UNC5D: variants seen among roughly 807,000 people sequenced by gnomAD.
UNC5D encodes unc-5 netrin receptor D.
In UNC5D, 39 loss-of-function variants were observed where a neutral mutation model predicts 105.4. The ratio of observed to expected loss-of-function variants is 0.37; its 90% CI spans 0.29 to 0.48. The LOEUF is 0.48. Ranked by LOEUF, UNC5D falls within the 20% of genes least tolerant of loss-of-function variation. UNC5D has a pLI of 0.98. For missense variants in UNC5D, 991 were observed against 1,202.4 expected, an observed-to-expected ratio of 0.82 and a Z score of 2.60; for synonymous variants, 452 against 450.4, an observed-to-expected ratio of 1.00 and a Z score of -0.04.
intron 1 of UNC5D, among the ~76,000 whole-genome samples, chr8:35,372,653 G>C (rs1001164518): frequency 6.6e-6 from 1 of 151,862 alleles, no homozygotes; most frequent in African/African-American, 2.4e-5. Context: ...ACCCAGGCTG[G>C]AATACAGTGG....
intron 1 of UNC5D, among the ~76,000 whole-genome samples, chr8:35,294,155 G>A (rs753093159): frequency 6.6e-6 from 1 of 152,164 alleles, no homozygotes; most frequent in Non-Finnish European, 1.5e-5. Context: ...TCAGGAGTTA[G>A]CAGCTTTAAA....
intron 1 of UNC5D, among the ~76,000 whole-genome samples, chr8:35,318,888 T>C (rs1809502746): frequency 6.6e-6 from 1 of 152,086 alleles, no homozygotes; most frequent in African/African-American, 2.4e-5. Context: ...CGAGTGTCTT[T>C]AAGTGTATAT....
intron 13 of UNC5D, among the ~76,000 whole-genome samples, chr8:35,753,095 C>G (rs141967665): frequency 6.6e-6 from 1 of 152,190 alleles, no homozygotes; most frequent in East Asian, 1.9e-4. Flanking sequence ...TACCATGGCT[C>G]CACTGTTCAC....
At chr8:35,240,101 CA>C (rs1802711704) in intron 1 of UNC5D, among the ~76,000 whole-genome samples, 1 of 151,914 alleles carries the variant, frequency 6.6e-6, no homozygotes, top group Non-Finnish European at 1.5e-5. Flanking sequence ...ACACCCGGCT[CA>C]GTAATTTTTT....
At chr8:35,619,789 G>T (rs1821239753) in intron 4 of UNC5D, among the ~76,000 whole-genome samples, 1 of 152,218 alleles carries the variant, frequency 6.6e-6, no homozygotes, top group South Asian at 2.1e-4. Context: ...TCTGCCAGAT[G>T]CTGTGACCAC....
At chr8:35,416,312 G>C (rs1223694562) in intron 1 of UNC5D, among the ~76,000 whole-genome samples, 1 of 152,058 alleles carries the variant, frequency 6.6e-6, no homozygotes, top group African/African-American at 2.4e-5. Flanking sequence ...GGAATACAAA[G>C]GAATTGTAAA....
chr8:35,346,361 A>G (rs1007727483), intron 1 of UNC5D, among the ~76,000 whole-genome samples: 4 of 152,054 alleles, frequency 2.6e-5, no homozygotes, highest in African/African-American at 9.7e-5. Flanking sequence ...TGAAGAGTCA[A>G]TGTAAAAACG....
chr8:35,383,896 TAAC>T (rs1803199006), intron 1 of UNC5D, among the ~76,000 whole-genome samples: 1 of 150,036 alleles, frequency 6.7e-6, no homozygotes, highest in Non-Finnish European at 1.5e-5. Flanking sequence ...CTGGGTGACA[TAAC>T]AAGACCCTGT....
intron 1 of UNC5D, among the ~76,000 whole-genome samples, chr8:35,367,002 G>A (rs897356593): frequency 2.0e-5 from 3 of 152,164 alleles, no homozygotes; most frequent in Non-Finnish European, 4.4e-5. Context: ...CATGACTCTA[G>A]TGGTTCTAAT....
chr8:35,447,788 G>A (rs1205462032), intron 1 of UNC5D, among the ~76,000 whole-genome samples: 2 of 151,954 alleles, frequency 1.3e-5, no homozygotes, highest in Non-Finnish European at 2.9e-5. Context: ...TACCCTCATC[G>A]AGTGATAGAG....
chr8:35,608,226 A>G (rs1384764340), intron 4 of UNC5D, among the ~76,000 whole-genome samples: 2 of 152,326 alleles, frequency 1.3e-5, no homozygotes, highest in South Asian at 4.1e-4. Flanking sequence ...TTTCAGACAC[A>G]GACTAGCTGA....
chr8:35,730,884 G>A, intron 10 of UNC5D, 128 bp from the exon 11 acceptor site: 2 of 739,056 alleles, frequency 2.7e-6, no homozygotes, highest in Non-Finnish European at 4.4e-6. Flanking sequence ...AACTTTCCAA[G>A]GATTGAGATT....
At chr8:35,248,998 T>A (rs1298675857) in intron 1 of UNC5D, among the ~76,000 whole-genome samples, 2 of 85,358 alleles carry the variant, frequency 2.3e-5, no homozygotes, top group Non-Finnish European at 4.1e-5. Flanking sequence ...ATATTATATA[T>A]AAACATATAT....
chr8:35,273,880 T>G (rs1805590341), intron 1 of UNC5D, among the ~76,000 whole-genome samples: 1 of 152,192 alleles, frequency 6.6e-6, no homozygotes, highest in Admixed American at 6.5e-5. Context: ...TAAATTTTAT[T>G]TATAACCCTG....
chr8:35,556,009 T>C (rs1477256086), intron 2 of UNC5D, among the ~76,000 whole-genome samples: 1 of 151,994 alleles, frequency 6.6e-6, no homozygotes, highest in Middle Eastern at 3.2e-3. Context: ...AGGCTCTCCA[T>C]TTACATACTT....
intron 1 of UNC5D, among the ~76,000 whole-genome samples, chr8:35,440,350 C>T (rs1807315616): frequency 6.6e-6 from 1 of 151,912 alleles, no homozygotes; most frequent in Non-Finnish European, 1.5e-5. Flanking sequence ...CCAAACTCAG[C>T]CCGGGTGTCT....
chr8:35,244,711 T>C (rs2128804223), intron 1 of UNC5D, among the ~76,000 whole-genome samples: 1 of 152,312 alleles, frequency 6.6e-6, no homozygotes, highest in East Asian at 1.9e-4. Flanking sequence ...AGGTTTTGTT[T>C]TTAAAGATGC....
chr8:35,300,675 T>G (rs1807886306), intron 1 of UNC5D, among the ~76,000 whole-genome samples: 2 of 152,106 alleles, frequency 1.3e-5, no homozygotes, highest in Non-Finnish European at 2.9e-5. Context: ...AACTAAAGTT[T>G]AGAAGATGCA....
At chr8:35,733,685 C>T (rs1433221098) in intron 11 of UNC5D, among the ~76,000 whole-genome samples, 6 of 152,164 alleles carry the variant, frequency 3.9e-5, no homozygotes, top group Non-Finnish European at 8.8e-5. Context: ...ATTGACTATA[C>T]ATTTATGTTG....
Sources: gnomAD v4.1 joint callset for allele counts (sites outside exome capture counted in the v4.1 genomes callset) on GRCh38, gnomAD v4.1.1 for gene constraint, MANE v1.5 for transcripts, NCBI Gene and HGNC (gene_info 2026-07-23, HGNC 2026-07-21) for gene names.